The following UBE2L3 variants were observed in gnomAD, a reference collection of about 807,000 sequenced individuals.
UBE2L3 encodes ubiquitin-conjugating enzyme E2 L3.
Under a neutral mutation model 17.8 loss-of-function variants are expected in UBE2L3, and 1 was observed. That is an observed-to-expected ratio of 0.06 (90% CI 0.02 to 0.27). UBE2L3 has a LOEUF of 0.27. Among genes scored for constraint, UBE2L3 ranks in the 10% least tolerant of loss-of-function variants. The pLI is 1.00. For synonymous variants in UBE2L3, 44 were observed against 68.5 expected (o/e 0.64, Z 1.76); for missense variants, 40 against 192.6 (o/e 0.21, Z 4.69).
chr22:21,566,154 G>A (rs935719587), upstream of UBE2L3, among the ~76,000 whole-genome samples: 1 of 151,868 alleles, frequency 6.6e-6, no homozygotes, highest in African/African-American at 2.4e-5. Flanking sequence ...TGTATTTTTA[G>A]TAGAGACGGA....
At chr22:21,580,468 G>A (rs1927561723) in intron 1 of UBE2L3, among the ~76,000 whole-genome samples, 1 of 152,002 alleles carries the variant, frequency 6.6e-6, no homozygotes, top group Admixed American at 6.6e-5. Context: ...TATTTTCTTT[G>A]AGATAGACTC....
chr22:21,565,082 G>GATATATATATCTAT (rs1926580102), upstream of UBE2L3, among the ~76,000 whole-genome samples: 1 of 151,642 alleles, frequency 6.6e-6, no homozygotes, highest in Non-Finnish European at 1.5e-5. Context: ...CTTATTCCAG[G>GATATATATATCTAT]ATATATATAT....
At chr22:21,584,319 AGGTGTCACCACCACGCCTG>A (rs956037351) in intron 1 of UBE2L3, among the ~76,000 whole-genome samples, 1 of 151,202 alleles carries the variant, frequency 6.6e-6, no homozygotes, top group Non-Finnish European at 1.5e-5. Flanking sequence ...CTGGGACTAC[AGGTGTCACCACCACGCCTG>A]GCTAATTTTT....
chr22:21,603,907 A>ATTTTTTTTTT (rs144747629), intron 2 of UBE2L3, among the ~76,000 whole-genome samples: 1 of 111,328 alleles, frequency 9.0e-6, no homozygotes, highest in Non-Finnish European at 1.8e-5. Context: ...GTGTTTTTTG[A>ATTTTTTTTTT]TTTTTTTTTT....
At chr22:21,563,629 T>C (rs1601386378), upstream of UBE2L3, among the ~76,000 whole-genome samples, 1 of 142,312 alleles carries the variant, frequency 7.0e-6, no homozygotes, top group African/African-American at 2.6e-5. Context: ...CAGGTTGGAG[T>C]GCAATGGTGT....
chr22:21,617,353 G>A (rs1186852983), intron 3 of UBE2L3, among the ~76,000 whole-genome samples: 3 of 151,874 alleles, frequency 2.0e-5, no homozygotes, highest in Non-Finnish European at 4.4e-5. Flanking sequence ...TGCAACCTCC[G>A]CCTCCTGGAT....
chr22:21,616,912 G>A (rs933701966), intron 3 of UBE2L3, among the ~76,000 whole-genome samples: 3 of 151,824 alleles, frequency 2.0e-5, no homozygotes, highest in Non-Finnish European at 2.9e-5. Context: ...CAGAGAAACT[G>A]TCATTAAGAA....
At chr22:21,606,793 G>A (rs1319354207) in intron 2 of UBE2L3, among the ~76,000 whole-genome samples, 8 of 152,162 alleles carry the variant, frequency 5.3e-5, no homozygotes, top group Non-Finnish European at 1.5e-5. Flanking sequence ...AGGCTGCAGT[G>A]AACCGTGATT....
chr22:21,619,267 C>T (rs2148450240), intron 3 of UBE2L3, among the ~76,000 whole-genome samples: 1 of 152,264 alleles, frequency 6.6e-6, no homozygotes, highest in African/African-American at 2.4e-5. Context: ...TAAAAATATA[C>T]CTCCAGGGCC....
At chr22:21,581,460 G>T (rs1361969111) in intron 1 of UBE2L3, among the ~76,000 whole-genome samples, 1 of 152,066 alleles carries the variant, frequency 6.6e-6, no homozygotes. Context: ...AAAATGCTGG[G>T]ATTATAGGTG....
chr22:21,602,331 C>T (rs1928911225), intron 2 of UBE2L3, among the ~76,000 whole-genome samples: 1 of 152,212 alleles, frequency 6.6e-6, no homozygotes, highest in Admixed American at 6.5e-5. Flanking sequence ...TGGTGTCCTA[C>T]AGCCAGCTAG....
At chr22:21,568,626 A>G (rs1180151461) in intron 1 of UBE2L3, among the ~76,000 whole-genome samples, 1 of 152,160 alleles carries the variant, frequency 6.6e-6, no homozygotes, top group Admixed American at 6.5e-5. Flanking sequence ...AACACATGCT[A>G]AATTGGCTTA....
intron 1 of UBE2L3, among the ~76,000 whole-genome samples, chr22:21,572,890 GC>G (rs1927063021): frequency 6.6e-6 from 1 of 152,156 alleles, no homozygotes; most frequent in Non-Finnish European, 1.5e-5. Context: ...CGCCAGCGGA[GC>G]CCTTCTCGGC....
chr22:21,593,258 G>C (rs1928355501), intron 2 of UBE2L3, among the ~76,000 whole-genome samples: 1 of 152,132 alleles, frequency 6.6e-6, no homozygotes, highest in African/African-American at 2.4e-5. Context: ...CTGGCCTGAT[G>C]GATCAGCAGG....
chr22:21,610,351 A>AT (rs1929415066), intron 2 of UBE2L3, among the ~76,000 whole-genome samples: 1 of 152,222 alleles, frequency 6.6e-6, no homozygotes, highest in Non-Finnish European at 1.5e-5. Flanking sequence ...ATATTGCATG[A>AT]TTCCAGCTAT....
At chr22:21,562,198 C>CTTTT (rs1050849043) in intron 1 of UBE2L3, among the ~76,000 whole-genome samples, 1 of 133,354 alleles carries the variant, frequency 7.5e-6, no homozygotes, top group Non-Finnish European at 1.6e-5. Flanking sequence ...TTTTTTTTTT[C>CTTTT]TTTTTTTTTT....
chr22:21,602,621 A>ATTTCAC (rs1928926353), intron 2 of UBE2L3, among the ~76,000 whole-genome samples: 1 of 152,176 alleles, frequency 6.6e-6, no homozygotes, highest in Non-Finnish European at 1.5e-5. Context: ...TGGGTGAAAG[A>ATTTCAC]CCCCAGATAG....
At chr22:21,575,461 T>C (rs1927223837) in intron 1 of UBE2L3, among the ~76,000 whole-genome samples, 1 of 143,056 alleles carries the variant, frequency 7.0e-6, no homozygotes, top group Admixed American at 7.0e-5. Flanking sequence ...TGGTGGTGCA[T>C]GCCTGTAATC....
At chr22:21,611,708 C>T (rs1241609876) in intron 3 of UBE2L3, among the ~76,000 whole-genome samples, 1 of 152,168 alleles carries the variant, frequency 6.6e-6, no homozygotes, top group African/African-American at 2.4e-5. Context: ...TGGTTGTCCT[C>T]CCTTTTGTCC....
Sources: gnomAD v4.1 joint callset for allele counts (sites outside exome capture counted in the v4.1 genomes callset) on GRCh38, gnomAD v4.1.1 for gene constraint, MANE v1.5 for transcripts, NCBI Gene and HGNC (gene_info 2026-07-23, HGNC 2026-07-21) for gene names.